RFTN1: variants seen among roughly 807,000 people sequenced by gnomAD.
RFTN1 encodes the protein raftlin, lipid raft linker 1.
In RFTN1, 26 loss-of-function variants were observed where a neutral mutation model predicts 46.5. The ratio of observed to expected loss-of-function variants is 0.56; its 90% CI spans 0.41 to 0.78. The LOEUF (loss-of-function observed/expected upper bound fraction) is 0.78, where lower values mean the gene tolerates loss of function less well. RFTN1 is among the 30% of genes least tolerant of loss of function. The pLI, the probability that RFTN1 is intolerant of heterozygous loss-of-function variation, is 0.00. For synonymous variants in RFTN1, 261 were observed against 284.2 expected, an observed-to-expected ratio of 0.92 and a Z score of 0.82; for missense variants, 693 against 718.7, an observed-to-expected ratio of 0.96 and a Z score of 0.41.
At chr3:16,391,111 T>C (rs1388697935) in intron 4 of RFTN1, among the ~76,000 whole-genome samples, 1 of 152,060 alleles carries the variant, frequency 6.6e-6, no homozygotes, top group Non-Finnish European at 1.5e-5. Flanking sequence ...AGTACCCCAA[T>C]GAATAACACC....
intron 5 of RFTN1, among the ~76,000 whole-genome samples, chr3:16,371,867 TC>T (rs2073518836): frequency 3.3e-5 from 5 of 152,142 alleles, no homozygotes; most frequent in African/African-American, 9.7e-5. Context: ...GAACTGGCAG[TC>T]ACTAGACTAG....
At chr3:16,369,709 G>T (rs1388826562) in intron 6 of RFTN1, among the ~76,000 whole-genome samples, 1 of 152,208 alleles carries the variant, frequency 6.6e-6, no homozygotes, top group African/African-American at 2.4e-5. Context: ...AACTGTAATA[G>T]TGTCTACAAA....
chr3:16,347,610 CCACCTCTGTGTGCACACT>C (rs1227897244), intron 7 of RFTN1: 4 of 152,210 alleles, frequency 2.6e-5, no homozygotes, highest in African/African-American at 7.2e-5. Context: ...AGATGCATAC[CCACCTCTGTGTGCACACT>C]CACCTCTGTG....
In RFTN1 at chr3:16,507,790, CACAA is replaced by C. The variant is rs1488826749; in HGVS notation, c.-9+5648_-9+5651del. Among the ~76,000 whole-genome samples, 28 of 150,118 alleles carry C rather than the reference CACAA, an allele frequency of 1.9e-4. No homozygotes were observed. Among genetic ancestry groups the C allele is most frequent in the Non-Finnish European group, 3.1e-4 (21 of 67,712 alleles). ...AAACACACACATACACTCACATACA[CACAA>C]ACACACACAAACGCACATACATACA... On this transcript the variant is annotated intron_variant, in intron 1 of 9. Transcript: ENST00000334133. This position sits in a 1 kb window ranked among gnomAD's most constrained non-coding sequence, Gnocchi z 7.1.
intron 2 of RFTN1, among the ~76,000 whole-genome samples, chr3:16,485,292 C>T (rs1019679012): frequency 2.0e-5 from 3 of 152,124 alleles, no homozygotes; most frequent in African/African-American, 4.8e-5. Context: ...AAGGAATTAA[C>T]TCTTGATACA....
chr3:16,405,537 GAA>G (rs914447042), intron 4 of RFTN1, among the ~76,000 whole-genome samples: 2 of 152,164 alleles, frequency 1.3e-5, no homozygotes, highest in East Asian at 1.9e-4. Context: ...TTCACACTCT[GAA>G]AAGTCATGAT....
rs1474895517 is a variant in RFTN1 at position 16,410,021 on chromosome 3, T to C, written c.333-538A>G. Among the ~76,000 whole-genome samples, 2 of 151,828 alleles carry C rather than the reference T, an allele frequency of 1.3e-5. No homozygotes were observed. Among genetic ancestry groups the C allele is most frequent in the East Asian group, 1.9e-4 (1 of 5,186 alleles). On this transcript the variant is annotated intron_variant, in intron 3 of 9. Coordinates refer to ENST00000334133, the MANE Select transcript of RFTN1 (RefSeq NM_015150.2). The surrounding 1 kb of genome is among the most constrained non-coding windows in gnomAD (Gnocchi z 4.6). ...TTTTTTTTTTTTTTAAAAAGAATCA[T>C]TGGGTCTTTAATGAAGCCCCAGATT... is the stretch of plus-strand genomic sequence containing the variant.
intron 4 of RFTN1, among the ~76,000 whole-genome samples, chr3:16,392,198 ATG>A (rs1445364974): frequency 6.6e-6 from 1 of 152,184 alleles, no homozygotes; most frequent in Non-Finnish European, 1.5e-5. Context: ...GGAAAACCTT[ATG>A]TGGGTTGTAA....
chr3:16,340,486 A>G lies in RFTN1; in HGVS notation c.1147-13610T>C, dbSNP rs114196808. Among the ~76,000 whole-genome samples the G allele has an allele frequency of 2.7e-3, 407 of 152,384 alleles. 1 individual carries two copies. Among genetic ancestry groups the G allele is most frequent in the Middle Eastern group, 3.4e-3 (1 of 294 alleles). On this transcript the variant is annotated intron_variant, in intron 7 of 9. Transcript: ENST00000334133. ...CAGCAGAGATCAGCAAGGTTGCCCT[A>G]TGGCTGAAAAATTGATCAGATGACC... is the stretch of plus-strand genomic sequence containing the variant.
chr3:16,490,893 A>G (rs968536578), intron 2 of RFTN1, among the ~76,000 whole-genome samples: 2 of 152,244 alleles, frequency 1.3e-5, no homozygotes, highest in Non-Finnish European at 2.9e-5. Flanking sequence ...AGCAGGATTC[A>G]AAAATACATG....
rs900979970 is a variant in RFTN1 at position 16,370,504 on chromosome 3, G to A, written c.827-225C>T. Among the ~76,000 whole-genome samples the A allele has an allele frequency of 1.3e-5, 2 of 152,176 alleles. No homozygotes were observed. Among genetic ancestry groups the A allele is most frequent in the Admixed American group, 6.5e-5 (1 of 15,284 alleles). The stretch of plus-strand genomic sequence containing the variant: ...CCTGAAGGGTTGGGCTTCTGATGGG[G>A]AACTTAGGTTTTTAATCTGGAATAT... On this transcript the variant is annotated intron_variant, in intron 5 of 9. Coordinates refer to ENST00000334133, the MANE Select transcript of RFTN1 (RefSeq NM_015150.2). This position sits in a 1 kb window ranked among gnomAD's most constrained non-coding sequence, Gnocchi z 5.5.
Position 16,342,879 on chromosome 3 carries a change from G to A in RFTN1, c.1146+15053C>T, listed in dbSNP as rs546615538. On this transcript the variant is annotated intron_variant, in intron 7 of 9. Coordinates refer to ENST00000334133, the MANE Select transcript of RFTN1 (RefSeq NM_015150.2). This position sits in a 1 kb window ranked among gnomAD's most constrained non-coding sequence, Gnocchi z 4.0. ...CATGCAGTTCCCTAATCTCCACCCC[G>A]AAGACCCACTGACTTTGAGTCTCGA... Among the ~76,000 whole-genome samples, 532 of 152,212 alleles carry A rather than the reference G, an allele frequency of 3.5e-3. 4 individuals carry two copies. The highest frequency in any genetic ancestry group is 0.012 in the African/African-American group (500 of 41,530).
At chr3:16,409,930 G>A (rs9848927) in intron 3 of RFTN1, among the ~76,000 whole-genome samples, 28,768 of 151,374 alleles carry the variant, frequency 0.19, 3,129 homozygotes, top group Admixed American at 0.25. Context: ...CAGGTGATCC[G>A]CCCGCCTTGG....
At position 16,506,830 on chromosome 3, in the gene RFTN1, G is replaced by T. The variant is rs549179007; in HGVS notation, c.-9+6612C>A. On this transcript the variant is annotated intron_variant, in intron 1 of 9. Transcript: ENST00000334133. This position sits in a 1 kb window ranked among gnomAD's most constrained non-coding sequence, Gnocchi z 4.8. ...CATCCCCAACAGCAGCTATTCCAAT[G>T]CCCTGCCCATAACAGATGCACAATA... Among the ~76,000 whole-genome samples the T allele has an allele frequency of 2.0e-5, 3 of 152,270 alleles. No homozygotes were observed. In the South Asian group the frequency reaches 6.2e-4, roughly 32 times the overall value.
chr3:16,423,669 C>A (rs571452087), intron 3 of RFTN1, among the ~76,000 whole-genome samples: 19 of 152,182 alleles, frequency 1.2e-4, no homozygotes, highest in South Asian at 4.2e-4. Flanking sequence ...TGGCTATTAT[C>A]AAAAATGAGA....
intron 5 of RFTN1, 69 bp downstream of exon 5, chr3:16,377,649 A>T: frequency 6.6e-7 from 1 of 1,515,904 alleles, no homozygotes; most frequent in Non-Finnish European, 8.8e-7. Flanking sequence ...CTGAGATACC[A>T]TGGGGATTAA....
rs690573 is a variant in RFTN1, at chr3:16,334,933, G to T, written c.1147-8057C>A. 0.35 allele frequency among the ~76,000 whole-genome samples: 53,465 copies of T among 151,980 alleles called. 10,344 individuals carry two copies. The highest frequency in any genetic ancestry group is 0.43 in the Non-Finnish European group (28,916 of 67,936). On this transcript the variant is annotated intron_variant, in intron 7 of 9. Transcript: ENST00000334133. The surrounding 1 kb of genome is among the most constrained non-coding windows in gnomAD (Gnocchi z 4.3). ...AAGAGATGTGATGGCAGCAGCAGAG[G>T]CTGGAGTGATGCAGGGAAGGGGCCA...
At position 16,493,720 on chromosome 3, in the gene RFTN1, C is replaced by G; in HGVS notation, c.145+5G>C. 1 of 1,570,032 alleles carries G rather than the reference C, an allele frequency of 6.4e-7. No individual in the cohort carries two copies. The highest frequency in any genetic ancestry group is 8.7e-7 in the Non-Finnish European group (1 of 1,152,914). On this transcript the variant is annotated splice_donor_5th_base_variant and intron_variant, in intron 2 of 9. Transcript: ENST00000334133. ...CCCCCATCCATTCCCACCCCATGTA[C>G]TCACCAGCACTCAGAGTCGTGAACT...
At chr3:16,319,700 A>C (rs1451069284) in intron 9 of RFTN1, among the ~76,000 whole-genome samples, 3 of 152,190 alleles carry the variant, frequency 2.0e-5, no homozygotes, top group African/African-American at 7.2e-5. Context: ...TGATCTGCTG[A>C]TATAATACAA....
Sources: allele counts gnomAD v4.1 joint callset (sites outside exome capture counted in the v4.1 genomes callset), GRCh38; gene constraint gnomAD v4.1.1; non-coding constraint Gnocchi (gnomAD v3.1); transcripts MANE v1.5; gene names NCBI Gene and HGNC (gene_info 2026-07-23, HGNC 2026-07-21).